SH3GL2: variants seen among roughly 807,000 people sequenced by gnomAD.
SH3GL2 encodes the protein endophilin-A1.
Under a neutral mutation model 46.0 loss-of-function variants are expected in SH3GL2, and 24 were observed. The ratio of observed to expected loss-of-function variants is 0.52; its 90% CI spans 0.38 to 0.73. SH3GL2 has a LOEUF of 0.73. SH3GL2 is among the 30% of genes least tolerant of loss of function. The pLI, the probability that SH3GL2 is intolerant of heterozygous loss-of-function variation, is 0.00. For synonymous variants in SH3GL2, 196 were observed against 147.1 expected (o/e 1.33, Z -2.40); for missense variants, 413 against 424.2 (o/e 0.97, Z 0.23).
At chr9:17,661,527 T>C (rs1024442986) in intron 1 of SH3GL2, among the ~76,000 whole-genome samples, 2 of 152,214 alleles carry the variant, frequency 1.3e-5, no homozygotes, top group South Asian at 2.1e-4. Context: ...TCAAGTGATA[T>C]ATATACATGG....
intron 1 of SH3GL2, among the ~76,000 whole-genome samples, chr9:17,704,666 A>G (rs1179850987): frequency 6.6e-6 from 1 of 152,160 alleles, no homozygotes; most frequent in Non-Finnish European, 1.5e-5. Flanking sequence ...AAAGTTGACA[A>G]AAAGAAGCAA....
At chr9:17,642,485 G>C (rs1819708783) in intron 1 of SH3GL2, among the ~76,000 whole-genome samples, 1 of 152,122 alleles carries the variant, frequency 6.6e-6, no homozygotes, top group Admixed American at 6.5e-5. Context: ...TATGGTTTTA[G>C]GTCTGACGTT....
intron 1 of SH3GL2, among the ~76,000 whole-genome samples, chr9:17,608,124 A>G (rs1011938836): frequency 3.4e-5 from 5 of 147,980 alleles, no homozygotes; most frequent in African/African-American, 1.2e-4. Context: ...CTCTTTTTGA[A>G]TTTAGAATTT....
At chr9:17,677,520 C>T (rs1242651805) in intron 1 of SH3GL2, among the ~76,000 whole-genome samples, 1 of 152,094 alleles carries the variant, frequency 6.6e-6, no homozygotes, top group Non-Finnish European at 1.5e-5. Flanking sequence ...ATACAACTCA[C>T]ACCAAATCTC....
At chr9:17,585,153 C>T (rs1818349828) in intron 1 of SH3GL2, among the ~76,000 whole-genome samples, 1 of 152,106 alleles carries the variant, frequency 6.6e-6, no homozygotes, top group Non-Finnish European at 1.5e-5. Context: ...AGTCTCAGGG[C>T]ATCAAGCAAC....
intron 1 of SH3GL2, among the ~76,000 whole-genome samples, chr9:17,743,537 C>T (rs1432666438): frequency 1.3e-5 from 2 of 150,688 alleles, no homozygotes; most frequent in Admixed American, 6.6e-5. Context: ...CTCCTTCTTC[C>T]TTTCCCTCTC....
chr9:17,705,478 CAT>C (rs3084659), intron 1 of SH3GL2, among the ~76,000 whole-genome samples: 12,100 of 152,022 alleles, frequency 0.08, 637 homozygotes, highest in Admixed American at 0.14. Context: ...GTAGTAAAGA[CAT>C]AGAATCAACC....
At chr9:17,628,902 G>A (rs996473712) in intron 1 of SH3GL2, among the ~76,000 whole-genome samples, 7 of 152,022 alleles carry the variant, frequency 4.6e-5, no homozygotes, top group African/African-American at 1.7e-4. Context: ...ACTCACTCTA[G>A]CACAGCATGC....
intron 2 of SH3GL2, among the ~76,000 whole-genome samples, chr9:17,759,697 A>G (rs549292702): frequency 6.6e-6 from 1 of 152,264 alleles, no homozygotes; most frequent in Admixed American, 6.5e-5. Flanking sequence ...AGATGGGGGA[A>G]CCTTAGAAAT....
chr9:17,746,615 C>T (rs1822694845), intron 1 of SH3GL2, among the ~76,000 whole-genome samples: 1 of 152,058 alleles, frequency 6.6e-6, no homozygotes, highest in Admixed American at 6.5e-5. Context: ...CTTTTCATAA[C>T]AGTTTGATAG....
intron 1 of SH3GL2, among the ~76,000 whole-genome samples, chr9:17,636,371 A>C (rs1457168838): frequency 6.6e-6 from 1 of 152,144 alleles, no homozygotes; most frequent in Non-Finnish European, 1.5e-5. Context: ...CCCACACCCA[A>C]AACTCCCATC....
At chr9:17,792,975 C>T (rs1824178037) in intron 7 of SH3GL2, among the ~76,000 whole-genome samples, 1 of 152,216 alleles carries the variant, frequency 6.6e-6, no homozygotes, top group South Asian at 2.1e-4. Context: ...TTGATAGAGG[C>T]ATGCAATGCA....
rs117757939 is a variant in SH3GL2 at position 17,656,536 on chromosome 9, T to C, written c.45+77249T>C. On this transcript the variant is annotated intron_variant, in intron 1 of 8. Transcript: ENST00000380607. ...GTTGCATTTACAATATCACAAGTAA[T>C]TAATTATTAAAGTATATGCCTGTGA... Among the ~76,000 whole-genome samples the C allele has an allele frequency of 1.2e-3, 189 of 152,152 alleles. 6 individuals carry two copies. In the East Asian group the frequency reaches 0.027, roughly 22 times the overall value.
At position 17,646,267 on chromosome 9, in the gene SH3GL2, A is replaced by G. The variant is rs190337792; in HGVS notation, c.45+66980A>G. ...TCTAAACTGATTATTCTAGTTAGCA[A>G]TTCCTCTAACCTTTTATCAAAGTTC... On this transcript the variant is annotated intron_variant, in intron 1 of 8. Coordinates refer to ENST00000380607, the MANE Select transcript of SH3GL2 (RefSeq NM_003026.5). 7.9e-5 allele frequency among the ~76,000 whole-genome samples: 12 copies of G among 152,078 alleles called. No homozygotes were observed. The South Asian group carries it at 1.5e-3, about 18-fold the overall frequency.
intron 3 of SH3GL2, among the ~76,000 whole-genome samples, chr9:17,762,885 G>A (rs1202904741): frequency 2.0e-5 from 3 of 152,166 alleles, no homozygotes; most frequent in African/African-American, 4.8e-5. Context: ...AGAACTGCTC[G>A]CCCTGCTTCC....
intron 2 of SH3GL2, among the ~76,000 whole-genome samples, chr9:17,760,188 C>T (rs1044750857): frequency 3.9e-5 from 6 of 152,134 alleles, no homozygotes; most frequent in Admixed American, 2.6e-4. Flanking sequence ...TATATGTAGA[C>T]AGGCACATTT....
intron 1 of SH3GL2, among the ~76,000 whole-genome samples, chr9:17,646,638 C>A (rs1819824959): frequency 6.6e-6 from 1 of 152,142 alleles, no homozygotes; most frequent in Non-Finnish European, 1.5e-5. Context: ...CTGTCTTCTG[C>A]AGGCCTGATG....
intron 1 of SH3GL2, among the ~76,000 whole-genome samples, chr9:17,690,674 A>G (rs1472418263): frequency 2.6e-5 from 4 of 152,100 alleles, no homozygotes. Context: ...TAATGGGAGA[A>G]TTACTCTCTC....
intron 3 of SH3GL2, among the ~76,000 whole-genome samples, chr9:17,776,404 G>T (rs1240419876): frequency 6.6e-6 from 1 of 152,086 alleles, no homozygotes; most frequent in Admixed American, 6.6e-5. Context: ...AGCCCTCAGA[G>T]GCTTGGTCCC....
Sources: allele counts gnomAD v4.1 joint callset (sites outside exome capture counted in the v4.1 genomes callset), GRCh38; gene constraint gnomAD v4.1.1; transcripts MANE v1.5; gene names NCBI Gene and HGNC (gene_info 2026-07-23, HGNC 2026-07-21).